The following MIGA1 variants were observed in gnomAD, a reference collection of about 807,000 sequenced individuals.
MIGA1 encodes the protein family with sequence similarity 73, member A.
In MIGA1, 58 loss-of-function variants were observed where a neutral mutation model predicts 82.0. That is an observed-to-expected ratio of 0.71 (90% CI 0.57 to 0.88). The LOEUF (loss-of-function observed/expected upper bound fraction) is 0.88. Among genes scored for constraint, MIGA1 ranks in the 40% least tolerant of loss-of-function variants. MIGA1 has a pLI of 0.00. For synonymous variants in MIGA1, 249 were observed against 253.6 expected (o/e 0.98, Z 0.17); for missense variants, 751 against 749.1 (o/e 1.00, Z -0.03).
intron 8 of MIGA1, among the ~76,000 whole-genome samples, chr1:77,851,310 T>A (rs1685041065): frequency 6.6e-6 from 1 of 152,236 alleles, no homozygotes; most frequent in African/African-American, 2.4e-5. Context: ...TTTTTAAATG[T>A]AGCCTTTTGG....
At chr1:77,837,629 A>T (rs901547380) in intron 7 of MIGA1, among the ~76,000 whole-genome samples, 5 of 152,194 alleles carry the variant, frequency 3.3e-5, no homozygotes, top group African/African-American at 1.2e-4. Flanking sequence ...ATAAATGTTT[A>T]TTTTGATTAA....
At chr1:77,824,669 A>ATAATTATTGTGGTTTAAAATTATATTT (rs1553218154) in intron 7 of MIGA1, among the ~76,000 whole-genome samples, 2 of 152,232 alleles carry the variant, frequency 1.3e-5, no homozygotes, top group Admixed American at 6.5e-5. Context: ...AGATTTTATT[A>ATAATTATTGTGGTTTAAAATTATATTT]TAATTATTGT....
At chr1:77,784,647 T>C (rs1682066856) in intron 2 of MIGA1, among the ~76,000 whole-genome samples, 1 of 152,242 alleles carries the variant, frequency 6.6e-6, no homozygotes, top group South Asian at 2.1e-4. Flanking sequence ...TCCTCATCAA[T>C]GCTTGTTATT....
At chr1:77,804,030 A>G (rs1185858523) in intron 4 of MIGA1, among the ~76,000 whole-genome samples, 3 of 152,214 alleles carry the variant, frequency 2.0e-5, no homozygotes, top group Non-Finnish European at 4.4e-5. Context: ...TATGTACTCC[A>G]TAAATATTTA....
Position 77,859,217 on chromosome 1 carries a change from A to G in MIGA1, c.1116-97A>G, listed in dbSNP as rs1258156288. ...TCAGTATTGAAAAAACATGTTTTATATTAAGGTCCTGAGGTTAAGCCTTGT... is the reference window on the plus strand; with the variant it reads ...TCAGTATTGAAAAAACATGTTTTATGTTAAGGTCCTGAGGTTAAGCCTTGT... On this transcript the variant is annotated intron_variant, in intron 9 of 15. Coordinates refer to ENST00000370791, the MANE Select transcript of MIGA1 (RefSeq NM_198549.4). 4.6e-6 allele frequency: 5 copies of G among 1,083,242 alleles called. No individual in the cohort carries two copies. The East Asian group carries it at 1.2e-4, about 26-fold the overall frequency. The allele number at this position is 1,083,242 out of a possible 1,614,324, so 67.1% of individuals were successfully genotyped here.
intron 8 of MIGA1, among the ~76,000 whole-genome samples, chr1:77,844,113 A>AAAAAAT (rs1296124524): frequency 2.3e-3 from 206 of 90,012 alleles, no homozygotes; most frequent in East Asian, 0.014. Context: ...AAAAAAAAAA[A>AAAAAAT]ATATATATAT....
chr1:77,825,480 G>T (rs1259192650), intron 7 of MIGA1, among the ~76,000 whole-genome samples: 2 of 152,162 alleles, frequency 1.3e-5, no homozygotes, highest in Non-Finnish European at 2.9e-5. Context: ...TCTACATGTT[G>T]GATGCCTGTG....
intron 7 of MIGA1, among the ~76,000 whole-genome samples, chr1:77,841,192 A>G (rs1355016326): frequency 6.6e-6 from 1 of 152,170 alleles, no homozygotes; most frequent in Non-Finnish European, 1.5e-5. Context: ...TTATCCCATT[A>G]ATAGTCATTT....
At chr1:77,815,890 T>C (rs559465154) in intron 7 of MIGA1, among the ~76,000 whole-genome samples, 52 of 152,194 alleles carry the variant, frequency 3.4e-4, no homozygotes, top group Admixed American at 1.4e-3. Flanking sequence ...CCACCATGCC[T>C]TGCTAATTAA....
chr1:77,797,695 C>T (rs1682717346), intron 2 of MIGA1, among the ~76,000 whole-genome samples: 1 of 151,886 alleles, frequency 6.6e-6, no homozygotes, highest in African/African-American at 2.4e-5. Flanking sequence ...TAGTATTTTC[C>T]TTTTCTTTTT....
chr1:77,866,777 G>A (rs894215138), intron 14 of MIGA1, among the ~76,000 whole-genome samples: 3 of 150,430 alleles, frequency 2.0e-5, no homozygotes, highest in Non-Finnish European at 3.0e-5. Flanking sequence ...TTTGCTTCCC[G>A]GGTTCAAGCG....
At chr1:77,818,870 G>A (rs201615523) in intron 7 of MIGA1, among the ~76,000 whole-genome samples, 1 of 151,748 alleles carries the variant, frequency 6.6e-6, no homozygotes, top group South Asian at 2.1e-4. Context: ...ACCTGAGGTC[G>A]GGAGTTCGAG....
intron 6 of MIGA1, among the ~76,000 whole-genome samples, chr1:77,814,753 A>G (rs575057252): frequency 6.6e-6 from 1 of 152,316 alleles, no homozygotes; most frequent in South Asian, 2.1e-4. Context: ...GCCCTACCCC[A>G]TGGGTTTCTC....
At chr1:77,851,827 A>G (rs1333611193) in intron 8 of MIGA1, among the ~76,000 whole-genome samples, 2 of 151,858 alleles carry the variant, frequency 1.3e-5, no homozygotes, top group Non-Finnish European at 2.9e-5. Flanking sequence ...TTATTGTTAG[A>G]AATTATTTCA....
chr1:77,845,189 A>T (rs1474894331), intron 8 of MIGA1, among the ~76,000 whole-genome samples: 1 of 152,088 alleles, frequency 6.6e-6, no homozygotes, highest in Non-Finnish European at 1.5e-5. Flanking sequence ...ATCATCTCCT[A>T]ATTGTTTACA....
chr1:77,803,675 G>A (rs1682976843), intron 4 of MIGA1, among the ~76,000 whole-genome samples: 1 of 152,024 alleles, frequency 6.6e-6, no homozygotes, highest in Non-Finnish European at 1.5e-5. Context: ...AGATGTTCTT[G>A]TTTTCACTTA....
chr1:77,805,961 A>T (rs1683083916), intron 4 of MIGA1, among the ~76,000 whole-genome samples: 4 of 152,244 alleles, frequency 2.6e-5, no homozygotes, highest in African/African-American at 7.2e-5. Context: ...ACAAGTCTTT[A>T]GAATCACTGT....
chr1:77,841,263 G>A (rs916446887), intron 7 of MIGA1, among the ~76,000 whole-genome samples: 2 of 151,852 alleles, frequency 1.3e-5, no homozygotes, highest in African/African-American at 4.8e-5. Context: ...TGATGTAAAC[G>A]TCATCTGAAA....
chr1:77,785,769 T>C (rs557316087), intron 2 of MIGA1, among the ~76,000 whole-genome samples: 42 of 152,294 alleles, frequency 2.8e-4, no homozygotes, highest in Non-Finnish European at 5.0e-4. Flanking sequence ...CTTTGCAGGG[T>C]ACAGCCTCCC....
Sources: gnomAD v4.1 joint callset for allele counts (sites outside exome capture counted in the v4.1 genomes callset) on GRCh38, gnomAD v4.1.1 for gene constraint, MANE v1.5 for transcripts, NCBI Gene and HGNC (gene_info 2026-07-23, HGNC 2026-07-21) for gene names.